Variants in XG observed in about 807,000 individuals in gnomAD.
The protein encoded by XG is glycoprotein Xg.
In XG, 24 loss-of-function variants were observed where a neutral mutation model predicts 25.7. That is an observed-to-expected ratio of 0.93 (90% confidence interval 0.68 to 1.31). The LOEUF (loss-of-function observed/expected upper bound fraction) is 1.31, where lower values mean the gene tolerates loss of function less well. Among genes scored for constraint, XG ranks in the 40% most tolerant of loss-of-function variants. The pLI, the probability that XG is intolerant of heterozygous loss-of-function variation, is 0.00. For missense variants in XG, 181 were observed against 187.6 expected (o/e 0.96, Z 0.21); for synonymous variants, 77 against 69.2 (o/e 1.11, Z -0.56).
chrX:2,788,442 G>A (rs2086805034), intron 4 of XG, among the ~76,000 whole-genome samples: 1 of 112,131 alleles, frequency 8.9e-6, no homozygotes, highest in South Asian at 3.7e-4. Context: ...GAGACAGGAG[G>A]GACGAGCTAA....
At chrX:2,804,370 C>T (rs1474756407) in intron 7 of XG, among the ~76,000 whole-genome samples, 2 of 111,995 alleles carry the variant, frequency 1.8e-5, no homozygotes, top group Non-Finnish European at 3.8e-5. Flanking sequence ...TGGCCTCTTT[C>T]ACTGTCATCA....
intron 4 of XG, among the ~76,000 whole-genome samples, chrX:2,787,437 G>A (rs757219926): frequency 2.7e-5 from 3 of 111,188 alleles, no homozygotes; most frequent in Non-Finnish European, 3.8e-5. Context: ...AGGGAGGACT[G>A]ACCTTACAGT....
At chrX:2,814,289 G>A (rs1214705111) in intron 10 of XG, 75 bp from the exon 11 acceptor site, 1 of 1,104,901 alleles carries the variant, frequency 9.1e-7, no homozygotes, top group Non-Finnish European at 1.2e-6. Flanking sequence ...TTGGATCTTG[G>A]TTTTCTTTTT....
chrX:2,773,552 A>AGGG (rs1479004931), intron 2 of XG, among the ~76,000 whole-genome samples: 4 of 113,426 alleles, frequency 3.5e-5, no homozygotes, highest in East Asian at 2.8e-4. Flanking sequence ...GGAAGGAGAG[A>AGGG]AGGAAGGAAG....
At chrX:2,773,342 A>G (rs311155) in intron 2 of XG, among the ~76,000 whole-genome samples, 54,044 of 145,622 alleles carry the variant, frequency 0.37, 11,194 homozygotes, top group African/African-American at 0.57. Flanking sequence ...AAAGAAAAAT[A>G]GGAGAAGAAA....
rs770337251 is a variant in XG at position 2,811,477 on chromosome X, T to A, written c.571+25T>A. On this transcript the variant is annotated intron_variant, in intron 10 of 10. Coordinates refer to ENST00000644266, the MANE Select transcript of XG (RefSeq NM_001141919.2). Reference sequence around the variant, plus strand: ...GGTAAGTTTGGCTCTAAACATTGTTTTGCTTGTTACTAAGCCTGATTTAAA... The same window carrying A: ...GGTAAGTTTGGCTCTAAACATTGTTATGCTTGTTACTAAGCCTGATTTAAA... 16 of 1,108,056 alleles carry A rather than the reference T, an allele frequency of 1.4e-5. No homozygotes were observed. In the East Asian group the frequency reaches 4.7e-4, roughly 32 times the overall value. The allele number at this position is 1,108,056 out of a possible 1,213,427, so 91.3% of individuals were successfully genotyped here. A position where few individuals can be genotyped will look rare whatever the true frequency, so the allele number is the denominator to read the frequency against.
intron 4 of XG, among the ~76,000 whole-genome samples, chrX:2,787,259 G>A (rs2086793255): frequency 9.1e-6 from 1 of 110,291 alleles, no homozygotes; most frequent in South Asian, 3.9e-4. Context: ...CATAAGAAGA[G>A]GAGATGAGGA....
chrX:2,805,105 C>T (rs1011068745), intron 7 of XG, among the ~76,000 whole-genome samples: 1 of 112,262 alleles, frequency 8.9e-6, no homozygotes, highest in Non-Finnish European at 1.9e-5. Context: ...ATGAGTCACG[C>T]GGCTTCTCCC....
At position 2,814,744 on chromosome X, in the gene XG, G is replaced by T; in HGVS notation, c.*364G>T. On this transcript the variant is annotated 3_prime_UTR_variant, in exon 11 of 11. Coordinates refer to ENST00000644266, the MANE Select transcript of XG (RefSeq NM_001141919.2). ...ATGGCACAAAGCGGTGAGCAGTAGG[G>T]AGGTAGAATATCTTGGTGGGGAGGG... is the stretch of plus-strand genomic sequence containing the variant. The T allele has an allele frequency of 6.5e-6, 1 of 152,834 alleles. No individual in the cohort carries two copies. The highest frequency in any genetic ancestry group is 1.3e-5 in the Non-Finnish European group (1 of 79,870). 12.6% of individuals were successfully genotyped at this position (152,834 alleles called of 1,213,427 possible).
intron 1 of XG, among the ~76,000 whole-genome samples, chrX:2,766,966 C>A (rs1430289565): frequency 6.6e-6 from 1 of 151,956 alleles, no homozygotes; most frequent in African/African-American, 2.4e-5. Flanking sequence ...TTCTGGGACC[C>A]GTCTTGGGGA....
chrX:2,794,098 G>T (rs993542028), intron 5 of XG, among the ~76,000 whole-genome samples: 4 of 110,777 alleles, frequency 3.6e-5, no homozygotes, highest in African/African-American at 1.3e-4. Flanking sequence ...GGACGGCCAG[G>T]AGGAAGCAGA....
chrX:2,754,531 G>C (rs1203893970), intron 1 of XG, among the ~76,000 whole-genome samples: 1 of 152,086 alleles, frequency 6.6e-6, no homozygotes, highest in East Asian at 1.9e-4. Context: ...TATTAGTCAG[G>C]GTTCTCTAGA....
chrX:2,766,817 G>A (rs1262948930), intron 1 of XG, among the ~76,000 whole-genome samples: 2 of 151,738 alleles, frequency 1.3e-5, no homozygotes, highest in African/African-American at 4.8e-5. Context: ...CGCCTGCCTC[G>A]GCCTCCCAAA....
chrX:2,767,068 AG>A (rs56087645), intron 1 of XG, among the ~76,000 whole-genome samples: 33,133 of 151,808 alleles, frequency 0.22, 4,494 homozygotes, highest in Non-Finnish European at 0.29. Flanking sequence ...TCTGCTTCTG[AG>A]GCTGCTGCTG....
At chrX:2,783,876 A>G (rs1569038543) in intron 4 of XG, among the ~76,000 whole-genome samples, 1 of 111,842 alleles carries the variant, frequency 8.9e-6, no homozygotes, top group African/African-American at 3.3e-5. Context: ...TTGGGAGGCT[A>G]AGACACGAGA....
intron 4 of XG, among the ~76,000 whole-genome samples, chrX:2,784,177 G>A (rs2086761524): frequency 9.0e-6 from 1 of 111,294 alleles, no homozygotes; most frequent in Non-Finnish European, 1.9e-5. Context: ...TGGCTATGTT[G>A]CAAGGCACTC....
Position 2,783,804 on chromosome X carries a change from G to A in XG, c.190+1676G>A, listed in dbSNP as rs184519737. On this transcript the variant is annotated intron_variant, in intron 4 of 10. Transcript: ENST00000644266. ...AGCCTGGCCAACATGGCGAAACCCTGTCTCTACCAAAAATACAAAAATTAG... is the reference window on the plus strand; with the variant it reads ...AGCCTGGCCAACATGGCGAAACCCTATCTCTACCAAAAATACAAAAATTAG... Among the ~76,000 whole-genome samples, 568 of 111,877 alleles carry A rather than the reference G, an allele frequency of 5.1e-3. 4 individuals are homozygous for A. The highest frequency in any genetic ancestry group is 0.016 in the African/African-American group (508 of 30,819).
chrX:2,759,907 A>T (rs1307241262), intron 1 of XG, among the ~76,000 whole-genome samples: 5 of 152,228 alleles, frequency 3.3e-5, no homozygotes, highest in African/African-American at 1.2e-4. Context: ...TGAGGCTGGG[A>T]AACTCTGCTG....
At chrX:2,810,715 A>G (rs1317763360) in intron 9 of XG, among the ~76,000 whole-genome samples, 2 of 110,521 alleles carry the variant, frequency 1.8e-5, no homozygotes, top group Admixed American at 9.7e-5. Context: ...CAAGAGTTCG[A>G]GACCAGCCTG....
Sources: gnomAD v4.1 joint callset for allele counts (sites outside exome capture counted in the v4.1 genomes callset) on GRCh38, gnomAD v4.1.1 for gene constraint, MANE v1.5 for transcripts, NCBI Gene and HGNC (gene_info 2026-07-23, HGNC 2026-07-21) for gene names.